The following PAK3 variants were observed in gnomAD, a reference collection of about 807,000 sequenced individuals.
The protein encoded by PAK3 is serine/threonine-protein kinase PAK 3.
PAK3 carries 4 observed loss-of-function variants against 41.0 expected under a neutral mutation model. That is an observed-to-expected ratio of 0.10 (90% CI 0.05 to 0.22). The LOEUF (loss-of-function observed/expected upper bound fraction) is 0.22, where lower values mean the gene tolerates loss of function less well. Ranked by LOEUF, PAK3 falls within the 10% of genes least tolerant of loss-of-function variation. The probability of loss-of-function intolerance (pLI) is 1.00; values close to 1 mark genes in which losing one functional copy is unlikely to be tolerated. For synonymous variants in PAK3, 146 were observed against 139.6 expected, an observed-to-expected ratio of 1.05 and a Z score of -0.32; for missense variants, 205 against 409.9, an observed-to-expected ratio of 0.50 and a Z score of 4.32.
At chrX:110,978,431 A>G (rs1426926273) in intron 1 of PAK3, among the ~76,000 whole-genome samples, 1 of 110,829 alleles carries the variant, frequency 9.0e-6, no homozygotes, top group Non-Finnish European at 1.9e-5. Context: ...TTTCTGCATC[A>G]ATTGATAAGA....
At chrX:110,992,482 C>G (rs2091667310) in intron 1 of PAK3, among the ~76,000 whole-genome samples, 1 of 110,123 alleles carries the variant, frequency 9.1e-6, no homozygotes, top group Non-Finnish European at 1.9e-5. Context: ...CCCCATAGAT[C>G]CTGGGCAATA....
At chrX:111,087,275 G>T (rs972971590) in intron 1 of PAK3, among the ~76,000 whole-genome samples, 3 of 109,964 alleles carry the variant, frequency 2.7e-5, no homozygotes, top group African/African-American at 1.0e-4. Flanking sequence ...TCAGTTAATT[G>T]ATATTTATTT....
intron 4 of PAK3, among the ~76,000 whole-genome samples, chrX:111,111,849 G>A (rs1437490064): frequency 9.0e-6 from 1 of 111,550 alleles, no homozygotes; most frequent in East Asian, 2.8e-4. Context: ...GGGGTCCTGA[G>A]AACAGTTAAT....
At chrX:110,950,823 T>A (rs2090730190) in intron 1 of PAK3, among the ~76,000 whole-genome samples, 2 of 111,718 alleles carry the variant, frequency 1.8e-5, no homozygotes, top group Admixed American at 1.9e-4. Context: ...TTTAAAGTAG[T>A]AAAGTTGCTG....
chrX:111,126,810 G>A (rs1247841959), intron 5 of PAK3, among the ~76,000 whole-genome samples: 1 of 111,358 alleles, frequency 9.0e-6, no homozygotes, highest in African/African-American at 3.3e-5. Context: ...ACTTTTTAAA[G>A]TAACTTCCTC....
At chrX:111,011,045 A>G (rs749073717) in intron 1 of PAK3, among the ~76,000 whole-genome samples, 7 of 112,032 alleles carry the variant, frequency 6.2e-5, no homozygotes, top group African/African-American at 1.9e-4. Flanking sequence ...TTGAGGTGAT[A>G]AATTTGAAAG....
intron 1 of PAK3, among the ~76,000 whole-genome samples, chrX:111,080,352 G>A (rs769623114): frequency 8.9e-6 from 1 of 111,846 alleles, no homozygotes; most frequent in South Asian, 3.8e-4. Flanking sequence ...CATGCAGGTA[G>A]GACCCTCCAT....
intron 1 of PAK3, among the ~76,000 whole-genome samples, chrX:110,992,220 A>G (rs1047367062): frequency 9.0e-6 from 1 of 111,044 alleles, no homozygotes; most frequent in African/African-American, 3.3e-5. Flanking sequence ...GAACAGGAAG[A>G]GCAAGGTCTT....
In PAK3 at chrX:111,226,497, A is replaced by G. The variant is rs2094953743; in HGVS notation, c.*6050A>G. Reference sequence around the variant, plus strand: ...ATTCTCAAGTGGCACAAGATAGCAGAGCCCATGCATTTTAATGGCTGAGAC... The same window carrying G: ...ATTCTCAAGTGGCACAAGATAGCAGGGCCCATGCATTTTAATGGCTGAGAC... On this transcript the variant is annotated 3_prime_UTR_variant, in exon 18 of 18. Coordinates refer to ENST00000372007, the MANE Select transcript of PAK3 (RefSeq NM_002578.5). 8.9e-6 allele frequency: 1 copy of G among 112,393 alleles called. No individual in the cohort carries two copies. The highest frequency in any genetic ancestry group is 1.9e-5 in the Non-Finnish European group (1 of 53,347). The allele number at this position is 112,393 out of a possible 1,213,427, so 9.3% of individuals were successfully genotyped here.
At chrX:111,131,895 A>G (rs1377186878) in intron 5 of PAK3, among the ~76,000 whole-genome samples, 1 of 112,176 alleles carries the variant, frequency 8.9e-6, no homozygotes, top group East Asian at 2.8e-4. Context: ...CCTAAGTATA[A>G]GGAAGGCTTC....
intron 8 of PAK3, among the ~76,000 whole-genome samples, chrX:111,156,688 A>AACAG (rs1404444315): frequency 9.0e-6 from 1 of 111,667 alleles, no homozygotes; most frequent in African/African-American, 3.3e-5. Flanking sequence ...TGAGAATTAA[A>AACAG]ACAGAAGCAA....
chrX:111,110,235 T>C (rs1383695974), intron 4 of PAK3, among the ~76,000 whole-genome samples: 1 of 112,463 alleles, frequency 8.9e-6, no homozygotes, highest in African/African-American at 3.2e-5. Flanking sequence ...TGTGGATATG[T>C]GATCCTCACA....
At chrX:111,096,611 C>A (rs1421384960) in intron 1 of PAK3, 196 bp downstream of exon 1, 1 of 111,044 alleles carries the variant, frequency 9.0e-6, no homozygotes, top group East Asian at 2.9e-4. Flanking sequence ...TCCCAGTTCG[C>A]GGACAAGTGG....
At chrX:111,024,488 T>C (rs1210696514) in intron 1 of PAK3, among the ~76,000 whole-genome samples, 1 of 111,548 alleles carries the variant, frequency 9.0e-6, no homozygotes, top group Non-Finnish European at 1.9e-5. Flanking sequence ...TTGGGCAGTT[T>C]GGCCATTTTC....
At chrX:111,139,213 G>A (rs1466746837) in intron 5 of PAK3, among the ~76,000 whole-genome samples, 6 of 111,183 alleles carry the variant, frequency 5.4e-5, no homozygotes, top group Admixed American at 3.8e-4. Context: ...AAATAAAGGA[G>A]TGAAAGATGA....
At chrX:111,068,923 C>T (rs992132147) in intron 1 of PAK3, among the ~76,000 whole-genome samples, 2 of 112,138 alleles carry the variant, frequency 1.8e-5, no homozygotes, top group African/African-American at 6.5e-5. Context: ...CACTTTACTG[C>T]TGATTTCTAA....
intron 4 of PAK3, among the ~76,000 whole-genome samples, chrX:111,113,176 C>A (rs896850554): frequency 4.5e-5 from 5 of 111,654 alleles, no homozygotes; most frequent in South Asian, 3.8e-4. Context: ...CCTGCTCAAG[C>A]GCTATATCCT....
chrX:110,966,633 G>T (rs2091087609), intron 1 of PAK3, among the ~76,000 whole-genome samples: 1 of 110,954 alleles, frequency 9.0e-6, no homozygotes, highest in African/African-American at 3.3e-5. Context: ...ATTGAAAAGG[G>T]AATATGTCCA....
At chrX:111,078,104 A>G (rs1051271306) in intron 1 of PAK3, among the ~76,000 whole-genome samples, 3 of 112,072 alleles carry the variant, frequency 2.7e-5, no homozygotes, top group Admixed American at 1.9e-4. Flanking sequence ...TAAAACCACA[A>G]TGAGATATCA....
Sources: gnomAD v4.1 joint callset for allele counts (sites outside exome capture counted in the v4.1 genomes callset) on GRCh38, gnomAD v4.1.1 for gene constraint, MANE v1.5 for transcripts, NCBI Gene and HGNC (gene_info 2026-07-23, HGNC 2026-07-21) for gene names.